AKAP6: variants seen among roughly 807,000 people sequenced by gnomAD.
The protein encoded by AKAP6 is A-kinase anchoring protein 6.
AKAP6 carries 58 observed loss-of-function variants against 188.5 expected under a neutral mutation model. That is an observed-to-expected ratio of 0.31 (90% CI 0.25 to 0.38). The LOEUF (loss-of-function observed/expected upper bound fraction) is 0.38, where lower values mean the gene tolerates loss of function less well. AKAP6 is among the 10% of genes least tolerant of loss of function. The pLI is 1.00. For missense variants in AKAP6, 2,710 were observed against 2,740.0 expected, an observed-to-expected ratio of 0.99 and a Z score of 0.24; for synonymous variants, 989 against 998.6, an observed-to-expected ratio of 0.99 and a Z score of 0.18.
intron 4 of AKAP6, among the ~76,000 whole-genome samples, chr14:32,558,444 T>A (rs902551395): frequency 1.3e-5 from 2 of 152,178 alleles, no homozygotes; most frequent in Non-Finnish European, 2.9e-5. Context: ...TGTAGCTTGA[T>A]GAAGCATCAC....
chr14:32,712,057 A>G (rs772431239), intron 9 of AKAP6, among the ~76,000 whole-genome samples: 1 of 152,014 alleles, frequency 6.6e-6, no homozygotes, highest in Non-Finnish European at 1.5e-5. Flanking sequence ...GAACAAACTC[A>G]TGGGTAAATA....
Position 32,821,683 on chromosome 14 carries a change from C to G in AKAP6, c.3870C>G (p.Ser1290Arg). 1.2e-6 allele frequency: 2 copies of G among 1,613,730 alleles called. No individual in the cohort carries two copies. The highest frequency in any genetic ancestry group is 8.5e-7 in the Non-Finnish European group (1 of 1,179,908). ...PSSPHIYQVY[S>R]LHNVELYEDN... The stretch of plus-strand genomic sequence containing the variant: ...GTCCACACATTTACCAGGTGTACAG[C>G]CTCCACAATGTTGAACTCTATGAGG... The change falls in exon 13 of 14, where the codon AGC (serine) becomes AGG (arginine). Residue 1290 changes from serine (S) to arginine (R), a missense_variant. Coordinates refer to ENST00000280979, the MANE Select transcript of AKAP6 (RefSeq NM_004274.5).
chr14:32,348,417 C>CTTTTTTTTT (rs71115063), intron 1 of AKAP6, among the ~76,000 whole-genome samples: 2 of 126,164 alleles, frequency 1.6e-5, no homozygotes, highest in East Asian at 2.3e-4. Flanking sequence ...TCTTTTGTTT[C>CTTTTTTTTT]TTTTTTTTTT....
chr14:32,504,424 G>A (rs145553062), intron 2 of AKAP6, among the ~76,000 whole-genome samples: 1 of 152,026 alleles, frequency 6.6e-6, no homozygotes, highest in African/African-American at 2.4e-5. Context: ...GGCACTACAG[G>A]TGTGTGCCAC....
At chr14:32,361,501 AAGT>A (rs1309368602) in intron 1 of AKAP6, among the ~76,000 whole-genome samples, 1 of 152,160 alleles carries the variant, frequency 6.6e-6, no homozygotes, top group Non-Finnish European at 1.5e-5. Context: ...AAAGCACAGT[AAGT>A]AGTGAATCAG....
At chr14:32,439,176 G>C (rs1890485105) in intron 2 of AKAP6, 1 of 152,374 alleles carries the variant, frequency 6.6e-6, no homozygotes, top group South Asian at 2.1e-4. Flanking sequence ...TACCCAGACT[G>C]AGATGTCTGG....
intron 1 of AKAP6, among the ~76,000 whole-genome samples, chr14:32,352,441 T>C (rs1887319864): frequency 6.6e-6 from 1 of 152,110 alleles, no homozygotes; most frequent in African/African-American, 2.4e-5. Context: ...TTCTTCTAGT[T>C]ATTATGAGAT....
At chr14:32,629,554 G>T (rs1887169349) in intron 7 of AKAP6, among the ~76,000 whole-genome samples, 1 of 151,652 alleles carries the variant, frequency 6.6e-6, no homozygotes, top group South Asian at 2.1e-4. Context: ...CACATCTGTG[G>T]ATGCTCAGCT....
chr14:32,645,870 A>G (rs1179375196), intron 7 of AKAP6, among the ~76,000 whole-genome samples: 1 of 152,212 alleles, frequency 6.6e-6, no homozygotes, highest in African/African-American at 2.4e-5. Flanking sequence ...TTTTATGCTT[A>G]GATGCTTTTA....
At chr14:32,472,562 T>C (rs1461429346) in intron 2 of AKAP6, among the ~76,000 whole-genome samples, 1 of 152,208 alleles carries the variant, frequency 6.6e-6, no homozygotes, top group East Asian at 1.9e-4. Context: ...CAAATGGCAA[T>C]GCCCCTCTTT....
intron 4 of AKAP6, among the ~76,000 whole-genome samples, chr14:32,559,153 G>A (rs1004727617): frequency 6.6e-6 from 1 of 152,196 alleles, no homozygotes; most frequent in South Asian, 2.1e-4. Flanking sequence ...GTAAGTGAAC[G>A]TATCATTGAG....
At chr14:32,456,438 TATA>T (rs1217994753) in intron 2 of AKAP6, among the ~76,000 whole-genome samples, 1 of 152,222 alleles carries the variant, frequency 6.6e-6, no homozygotes, top group Non-Finnish European at 1.5e-5. Context: ...AGCACAAAGC[TATA>T]ATACTATTTA....
At chr14:32,582,223 G>A (rs934928512) in intron 5 of AKAP6, among the ~76,000 whole-genome samples, 40 of 152,142 alleles carry the variant, frequency 2.6e-4, no homozygotes, top group African/African-American at 9.7e-4. Flanking sequence ...TTGCTTGTCT[G>A]TAAAGTATTT....
intron 8 of AKAP6, among the ~76,000 whole-genome samples, chr14:32,690,830 C>T (rs1890148632): frequency 1.3e-5 from 2 of 152,158 alleles, no homozygotes; most frequent in East Asian, 3.8e-4. Context: ...GAATGTCCAA[C>T]TCCTTTATTG....
Position 32,406,627 on chromosome 14 carries a change from T to C in AKAP6, c.-34-26833T>C, listed in dbSNP as rs73259222. On this transcript the variant is annotated intron_variant, in intron 1 of 13. Transcript: ENST00000280979. ...AGCCCTGGTGTTAATAAAAAGCAAG[T>C]TGACTTTTGGTCAGTTTATTATTGT... is the stretch of plus-strand genomic sequence containing the variant. Among the ~76,000 whole-genome samples, 546 of 152,368 alleles carry C rather than the reference T, an allele frequency of 3.6e-3. 5 individuals are homozygous for C. The highest frequency in any genetic ancestry group is 0.013 in the African/African-American group (527 of 41,588).
rs566186565 is a variant in AKAP6, at chr14:32,368,883, A to C, written c.-35+39475A>C. On this transcript the variant is annotated intron_variant, in intron 1 of 13. Coordinates refer to ENST00000280979, the MANE Select transcript of AKAP6 (RefSeq NM_004274.5). The stretch of plus-strand genomic sequence containing the variant: ...TTTAGTGGATATTAAGAAGAAGAAA[A>C]AAAAAACAAAAACATGCTGAATAAA... Among the ~76,000 whole-genome samples, 100 of 152,106 alleles carry C rather than the reference A, an allele frequency of 6.6e-4. 1 individual carries two copies. The highest frequency in any genetic ancestry group is 1.4e-3 in the Admixed American group (21 of 15,274).
At chr14:32,522,620 C>T (rs1367617301) in intron 2 of AKAP6, among the ~76,000 whole-genome samples, 1 of 152,054 alleles carries the variant, frequency 6.6e-6, no homozygotes, top group Non-Finnish European at 1.5e-5. Context: ...CAGAGAAATG[C>T]GAATCAAAAT....
intron 7 of AKAP6, among the ~76,000 whole-genome samples, chr14:32,609,880 G>GAC (rs71115085): frequency 0.061 from 8,336 of 137,286 alleles, 213 homozygotes; most frequent in East Asian, 0.092. Context: ...CTCTCTCTCT[G>GAC]ACACACACAC....
At chr14:32,339,697 G>A (rs1566451246) in intron 1 of AKAP6, among the ~76,000 whole-genome samples, 1 of 152,164 alleles carries the variant, frequency 6.6e-6, no homozygotes, top group Non-Finnish European at 1.5e-5. Flanking sequence ...GATAGGGAGA[G>A]TGATAAGCCA....
Sources: allele counts gnomAD v4.1 joint callset (sites outside exome capture counted in the v4.1 genomes callset), GRCh38; gene constraint gnomAD v4.1.1; transcripts MANE v1.5; gene names NCBI Gene and HGNC (gene_info 2026-07-23, HGNC 2026-07-21).